TAF4B: variants seen among roughly 807,000 people sequenced by gnomAD.
The protein encoded by TAF4B is transcription initiation factor TFIID subunit 4B.
In TAF4B, 38 loss-of-function variants were observed where a neutral mutation model predicts 86.4. The observed-to-expected ratio is 0.44, with a 90% CI of 0.34 to 0.58. TAF4B has a LOEUF of 0.58. Ranked by LOEUF, TAF4B falls within the 20% of genes least tolerant of loss-of-function variation. The pLI is 0.02. For synonymous variants in TAF4B, 388 were observed against 391.2 expected (o/e 0.99, Z 0.10); for missense variants, 988 against 1,027.6 (o/e 0.96, Z 0.53).
At chr18:26,364,221 G>T (rs2144319889) in intron 14 of TAF4B, among the ~76,000 whole-genome samples, 1 of 152,224 alleles carries the variant, frequency 6.6e-6, no homozygotes, top group South Asian at 2.1e-4. Context: ...ACAAAGAGCA[G>T]CAAGTACCAA....
chr18:26,263,711 T>TTCTCTCTTTC (rs111464997), intron 1 of TAF4B, among the ~76,000 whole-genome samples: 4 of 150,894 alleles, frequency 2.7e-5, no homozygotes, highest in African/African-American at 9.7e-5. Context: ...CTTTCTCTCT[T>TTCTCTCTTTC]TCTCTCTCTC....
Position 26,346,145 on chromosome 18 carries a change from AAATCT to A in TAF4B, c.2316+10918_2316+10922del, listed in dbSNP as rs147105682. ...CACCATGCCCAGCTAAGTGAATGAGAAATCTAATAATGAGATAGATATCGTAATAA... is the reference window on the plus strand; with the variant it reads ...CACCATGCCCAGCTAAGTGAATGAGAAATAATGAGATAGATATCGTAATAA... On this transcript the variant is annotated intron_variant, in intron 13 of 14. Transcript: ENST00000269142. 7.6e-3 allele frequency among the ~76,000 whole-genome samples: 1,150 copies of A among 152,258 alleles called. 13 individuals are homozygous for A. The highest frequency in any genetic ancestry group is 0.026 in the African/African-American group (1,093 of 41,536).
intron 14 of TAF4B, among the ~76,000 whole-genome samples, chr18:26,379,499 A>G (rs1432365158): frequency 6.6e-6 from 1 of 152,074 alleles, no homozygotes; most frequent in Non-Finnish European, 1.5e-5. Flanking sequence ...TTGAAAACCA[A>G]TTAACTATAT....
intron 1 of TAF4B, among the ~76,000 whole-genome samples, chr18:26,253,675 G>A (rs2056038348): frequency 6.6e-6 from 1 of 152,090 alleles, no homozygotes; most frequent in Non-Finnish European, 1.5e-5. Flanking sequence ...ATATTTGGTA[G>A]AATTGACCAG....
At chr18:26,232,501 CAG>C (rs1438578183) in intron 1 of TAF4B, among the ~76,000 whole-genome samples, 2 of 152,180 alleles carry the variant, frequency 1.3e-5, no homozygotes, top group Non-Finnish European at 1.5e-5. Context: ...ATTAAAAACA[CAG>C]GGCCTGAAGG....
intron 9 of TAF4B, among the ~76,000 whole-genome samples, chr18:26,314,770 A>G (rs2056885028): frequency 6.6e-6 from 1 of 152,270 alleles, no homozygotes; most frequent in Non-Finnish European, 1.5e-5. Context: ...TGGACTTTTA[A>G]CCATCTTGGA....
chr18:26,379,363 T>G (rs781536674), intron 14 of TAF4B, among the ~76,000 whole-genome samples: 1 of 152,146 alleles, frequency 6.6e-6, no homozygotes, highest in Non-Finnish European at 1.5e-5. Context: ...TGATCTATCT[T>G]GATTTAGTAT....
At chr18:26,378,767 C>T (rs2144371167) in intron 14 of TAF4B, among the ~76,000 whole-genome samples, 1 of 152,240 alleles carries the variant, frequency 6.6e-6, no homozygotes, top group Middle Eastern at 3.4e-3. Context: ...TTAATCTTTC[C>T]TGTTTCAGAA....
intron 13 of TAF4B, among the ~76,000 whole-genome samples, chr18:26,342,160 T>C (rs2057141877): frequency 6.6e-6 from 1 of 152,186 alleles, no homozygotes; most frequent in Admixed American, 6.5e-5. Context: ...AGGACATTAT[T>C]CTTAGTTCTT....
intron 9 of TAF4B, among the ~76,000 whole-genome samples, chr18:26,308,034 G>A (rs1274713005): frequency 6.6e-6 from 1 of 152,054 alleles, no homozygotes; most frequent in East Asian, 1.9e-4. Flanking sequence ...GCTTGAACCT[G>A]GGAGGCAGAG....
At chr18:26,273,316 G>C (rs903270158) in intron 3 of TAF4B, among the ~76,000 whole-genome samples, 5 of 151,904 alleles carry the variant, frequency 3.3e-5, no homozygotes, top group Admixed American at 6.6e-5. Context: ...TTTTGGTTTT[G>C]TTTCAAATGT....
intron 9 of TAF4B, among the ~76,000 whole-genome samples, chr18:26,309,245 A>ATTTTTTTTTTT (rs59457633): frequency 2.4e-5 from 2 of 84,552 alleles, no homozygotes; most frequent in African/African-American, 7.7e-5. Context: ...ACCTGACAGT[A>ATTTTTTTTTTT]TTTTTTTTTT....
At chr18:26,287,026 A>G (rs531223089) in intron 7 of TAF4B, among the ~76,000 whole-genome samples, 8 of 152,232 alleles carry the variant, frequency 5.3e-5, no homozygotes, top group Non-Finnish European at 1.0e-4. Context: ...ACCACCTGAG[A>G]GTGGTTGCAA....
chr18:26,272,748 AAG>A (rs1229523413), intron 3 of TAF4B, among the ~76,000 whole-genome samples: 2 of 152,172 alleles, frequency 1.3e-5, no homozygotes, highest in Non-Finnish European at 2.9e-5. Context: ...AGACTAAAGA[AAG>A]AGGCTTATTT....
intron 14 of TAF4B, among the ~76,000 whole-genome samples, chr18:26,387,858 T>G (rs2144410598): frequency 6.6e-6 from 1 of 152,330 alleles, no homozygotes; most frequent in East Asian, 1.9e-4. Flanking sequence ...TAGTATCTCT[T>G]AAAGAAGTTT....
chr18:26,383,100 G>C (rs573654473), intron 14 of TAF4B, among the ~76,000 whole-genome samples: 1 of 152,310 alleles, frequency 6.6e-6, no homozygotes, highest in African/African-American at 2.4e-5. Flanking sequence ...CAAGAAGAAA[G>C]GAATGAGAGA....
chr18:26,371,460 G>A lies in TAF4B; in HGVS notation c.2421+13666G>A, dbSNP rs76499468. On this transcript the variant is annotated intron_variant, in intron 14 of 14. Coordinates refer to ENST00000269142, the MANE Select transcript of TAF4B (RefSeq NM_005640.3). ...AATTAGTAATGACAGGGGAACTGCT[G>A]ACATCAAACTAGGTCCTGGAATTCA... is the stretch of plus-strand genomic sequence containing the variant. Among the ~76,000 whole-genome samples the A allele has an allele frequency of 7.6e-3, 1,154 of 152,322 alleles. 13 individuals are homozygous for A. The highest frequency in any genetic ancestry group is 0.026 in the African/African-American group (1,097 of 41,560).
rs1044966179 is a variant in TAF4B at position 26,385,979 on chromosome 18, G to A, written c.2422-3866G>A. ...CAGTTGTGGACTTTGCCAAATCAAA[G>A]CTCAGGAATAAAAATGCTATATATT... On this transcript the variant is annotated intron_variant, in intron 14 of 14. Coordinates refer to ENST00000269142, the MANE Select transcript of TAF4B (RefSeq NM_005640.3). Among the ~76,000 whole-genome samples, 19 of 152,234 alleles carry A rather than the reference G, an allele frequency of 1.2e-4. No individual in the cohort carries two copies. The East Asian group carries it at 1.7e-3, about 14-fold the overall frequency.
At chr18:26,369,949 A>G (rs995223836) in intron 14 of TAF4B, among the ~76,000 whole-genome samples, 6 of 152,236 alleles carry the variant, frequency 3.9e-5, no homozygotes, top group African/African-American at 1.4e-4. Flanking sequence ...TCTAACAGCA[A>G]TGATGATCCT....
Sources: gnomAD v4.1 joint callset for allele counts (sites outside exome capture counted in the v4.1 genomes callset) on GRCh38, gnomAD v4.1.1 for gene constraint, MANE v1.5 for transcripts, NCBI Gene and HGNC (gene_info 2026-07-23, HGNC 2026-07-21) for gene names.